RBX1: variants seen among roughly 807,000 people sequenced by gnomAD.
RBX1 encodes ring-box 1.
For synonymous variants in RBX1, 48 were observed against 47.9 expected (o/e 1.00, Z -0.01); for missense variants, 46 against 141.4 (o/e 0.33, Z 3.42).
chr22:40,951,599 C>G (rs182214806), intron 1 of RBX1, 123 bp downstream of exon 1: 8 of 892,946 alleles, frequency 9.0e-6, no homozygotes, highest in Non-Finnish European at 1.3e-5. Flanking sequence ...GGACCGGGTA[C>G]CACGAAAGGA....
At chr22:40,962,137 T>A (rs181283863) in intron 2 of RBX1, among the ~76,000 whole-genome samples, 1 of 152,186 alleles carries the variant, frequency 6.6e-6, no homozygotes, top group East Asian at 1.9e-4. Context: ...TCTTGCTCTT[T>A]TGCCCAGGCT....
At chr22:40,964,974 A>G (rs1234195963) in intron 3 of RBX1, among the ~76,000 whole-genome samples, 1 of 152,056 alleles carries the variant, frequency 6.6e-6, no homozygotes, top group Non-Finnish European at 1.5e-5. Context: ...TGATTAAACA[A>G]CTCCCGGCAC....
intron 2 of RBX1, among the ~76,000 whole-genome samples, chr22:40,957,616 TGAGAGA>T (rs2058329232): frequency 6.6e-6 from 1 of 152,082 alleles, no homozygotes; most frequent in Non-Finnish European, 1.5e-5. Context: ...CCAGCCTAGG[TGAGAGA>T]GTGAGACCCT....
chr22:40,962,566 G>A (rs962768654), intron 2 of RBX1, among the ~76,000 whole-genome samples: 1 of 150,192 alleles, frequency 6.7e-6, no homozygotes, highest in Non-Finnish European at 1.5e-5. Flanking sequence ...CGCAGTCTTG[G>A]CTCACTGCAA....
chr22:40,972,554 C>G lies in RBX1; in HGVS notation c.*66C>G, dbSNP rs1029178251. The G allele has an allele frequency of 5.1e-5, 67 of 1,313,362 alleles. No individual in the cohort carries two copies. In the African/African-American group the frequency reaches 7.9e-4, roughly 15 times the overall value. 81.4% of individuals were successfully genotyped at this position (1,313,362 alleles called of 1,614,324 possible). On this transcript the variant is annotated 3_prime_UTR_variant, in exon 5 of 5. Transcript: ENST00000216225. ...ATTTAATGACTTTCCCTGCTGTTACCTAATTACAAATTGGATGGAACTGTG... is the reference window on the plus strand; with the variant it reads ...ATTTAATGACTTTCCCTGCTGTTACGTAATTACAAATTGGATGGAACTGTG...
intron 3 of RBX1, among the ~76,000 whole-genome samples, chr22:40,965,939 A>G (rs1013085239): frequency 6.6e-6 from 1 of 152,212 alleles, no homozygotes; most frequent in Non-Finnish European, 1.5e-5. Flanking sequence ...AAGAGAGTGA[A>G]CATCCCCTTA....
chr22:40,959,218 C>T (rs1428092666), intron 2 of RBX1, among the ~76,000 whole-genome samples: 1 of 152,152 alleles, frequency 6.6e-6, no homozygotes, highest in Non-Finnish European at 1.5e-5. Flanking sequence ...GCTTAAAGGT[C>T]CCCAAGCTTT....
Position 40,951,396 on chromosome 22 carries a change from A to T in RBX1, c.-3A>T, listed in dbSNP as rs2058309760. 3 of 1,612,562 alleles carry T rather than the reference A, an allele frequency of 1.9e-6. No homozygotes were observed. Among genetic ancestry groups the T allele is most frequent in the South Asian group, 2.2e-5 (2 of 91,006 alleles). ...GTCGGACGACAGACCGTGTGTTTCC[A>T]AAATGGCGGCAGCGATGGATGTGGA... is the stretch of plus-strand genomic sequence containing the variant. On this transcript the variant is annotated 5_prime_UTR_variant, in exon 1 of 5. Transcript: ENST00000216225.
intron 4 of RBX1, among the ~76,000 whole-genome samples, chr22:40,971,092 C>T (rs2058367899): frequency 6.6e-6 from 1 of 152,186 alleles, no homozygotes; most frequent in African/African-American, 2.4e-5. Flanking sequence ...TGCCCTACAG[C>T]AGGCTCAAGG....
At chr22:40,970,128 G>A (rs1336510903) in intron 4 of RBX1, among the ~76,000 whole-genome samples, 1 of 151,164 alleles carries the variant, frequency 6.6e-6, no homozygotes, top group Non-Finnish European at 1.5e-5. Flanking sequence ...GGCTGAGGTG[G>A]GTGGATCACC....
chr22:40,953,450 C>G, intron 1 of RBX1, 105 bp from the exon 2 acceptor site: 6 of 748,034 alleles, frequency 8.0e-6, no homozygotes, highest in South Asian at 7.3e-5. Flanking sequence ...TTTGGTGGTT[C>G]CCTGTGGCCA....
chr22:40,960,235 C>T (rs1211043886), intron 2 of RBX1, among the ~76,000 whole-genome samples: 2 of 152,140 alleles, frequency 1.3e-5, no homozygotes, highest in East Asian at 1.9e-4. Flanking sequence ...CAGGTCCCTG[C>T]TCTGTGGGAG....
intron 1 of RBX1, among the ~76,000 whole-genome samples, chr22:40,953,269 C>T (rs1320196102): frequency 6.6e-6 from 1 of 152,088 alleles, no homozygotes; most frequent in Non-Finnish European, 1.5e-5. Flanking sequence ...GGACTATAGG[C>T]GTGAGCCACT....
chr22:40,963,268 T>C (rs1208876466), intron 2 of RBX1, among the ~76,000 whole-genome samples: 1 of 152,228 alleles, frequency 6.6e-6, no homozygotes, highest in Non-Finnish European at 1.5e-5. Flanking sequence ...AAGCAAGTTA[T>C]GCATTAGTAA....
intron 3 of RBX1, chr22:40,964,400 T>A: frequency 3.2e-6 from 1 of 312,186 alleles, no homozygotes; most frequent in East Asian, 7.4e-5. Flanking sequence ...CTTCAAAACC[T>A]ACATGCACCC....
At chr22:40,953,728 A>C (rs1052543863) in intron 2 of RBX1, 95 bp downstream of exon 2, 2 of 842,308 alleles carry the variant, frequency 2.4e-6, no homozygotes, top group Non-Finnish European at 2.0e-6. Flanking sequence ...ACGAGGAGAT[A>C]GCAAGCCTAC....
chr22:40,963,333 C>G (rs1402242234), intron 2 of RBX1, among the ~76,000 whole-genome samples: 1 of 152,066 alleles, frequency 6.6e-6, no homozygotes, highest in Non-Finnish European at 1.5e-5. Context: ...AGATCTTGAT[C>G]TCAGTCAAGA....
intron 2 of RBX1, among the ~76,000 whole-genome samples, chr22:40,961,861 T>G (rs1330576969): frequency 6.6e-6 from 1 of 151,428 alleles, no homozygotes; most frequent in Non-Finnish European, 1.5e-5. Context: ...CTCGGCTCAC[T>G]GCAGCCTCTG....
At chr22:40,953,751 G>A (rs1212442709) in intron 2 of RBX1, 118 bp downstream of exon 2, 1 of 702,820 alleles carries the variant, frequency 1.4e-6, no homozygotes, top group Non-Finnish European at 2.6e-6. Context: ...TGAGCACTCG[G>A]TCTTCTGTAT....
Sources: gnomAD v4.1 joint callset for allele counts (sites outside exome capture counted in the v4.1 genomes callset) on GRCh38, gnomAD v4.1.1 for gene constraint, MANE v1.5 for transcripts, NCBI Gene and HGNC (gene_info 2026-07-23, HGNC 2026-07-21) for gene names.